The following ZNF528 variants were observed in gnomAD, a reference collection of about 807,000 sequenced individuals.
ZNF528 encodes the protein zinc finger protein 528.
A neutral mutation model predicts 13.3 loss-of-function variants in ZNF528; 9 were observed. The observed-to-expected ratio is 0.67, with a 90% CI of 0.41 to 1.18. The LOEUF is 1.18. Ranked by LOEUF, ZNF528 falls within the 50% of genes most tolerant of loss-of-function variation. The pLI, the probability that ZNF528 is intolerant of heterozygous loss-of-function variation, is 0.01. For missense variants in ZNF528, 858 were observed against 745.4 expected, an observed-to-expected ratio of 1.15 and a Z score of -1.76; for synonymous variants, 264 against 254.3, an observed-to-expected ratio of 1.04 and a Z score of -0.36.
rs2058748543 is a variant in ZNF528, at chr19:52,397,918, TGTCTATGTTAA to T, written c.-390+20_-390+30del. 1 of 152,216 alleles carries T rather than the reference TGTCTATGTTAA, an allele frequency of 6.6e-6. No homozygotes were observed. The highest frequency in any genetic ancestry group is 1.5e-5 in the Non-Finnish European group (1 of 68,046). 9.4% of individuals were successfully genotyped at this position (152,216 alleles called of 1,614,324 possible). A position where few individuals can be genotyped will look rare whatever the true frequency, so the allele number is the denominator to read the frequency against. ...TCGCAGCAGTGCGTGAGTTTCCCTT[TGTCTATGTTAA>T]GTCTAGGCTAGCCAGTTCTTCTCTG... On this transcript the variant is annotated intron_variant, in intron 1 of 6. Transcript: ENST00000360465.
intron 4 of ZNF528, among the ~76,000 whole-genome samples, chr19:52,405,612 A>G (rs1404697557): frequency 6.6e-6 from 1 of 152,232 alleles, no homozygotes; most frequent in African/African-American, 2.4e-5. Flanking sequence ...ACTGGATATC[A>G]CTTGGTGTGT....
intron 2 of ZNF528, 86 bp from the exon 3 acceptor site, chr19:52,401,599 A>G (rs2058794632): frequency 2.7e-6 from 3 of 1,130,922 alleles, no homozygotes; most frequent in Non-Finnish European, 3.4e-6. Context: ...TTGTATTTTT[A>G]AAATAAGTGC....
chr19:52,409,764 T>G (rs982712234), intron 6 of ZNF528, among the ~76,000 whole-genome samples: 2 of 152,094 alleles, frequency 1.3e-5, no homozygotes, highest in Non-Finnish European at 2.9e-5. Flanking sequence ...ACCCAGGGGC[T>G]GGAGTGCAGT....
In ZNF528 at chr19:52,416,523, A is replaced by G; in HGVS notation, c.1671A>G (p.Ala557=). 1.2e-6 allele frequency: 2 copies of G among 1,614,112 alleles called. No individual in the cohort carries two copies. The highest frequency in any genetic ancestry group is 1.6e-4 in the Middle Eastern group (1 of 6,062). The change falls in exon 7 of 7, where the codon GCA becomes GCG. Residue 557 remains alanine, a synonymous_variant. Transcript: ENST00000360465. The stretch of plus-strand genomic sequence containing the variant: ...ACAGATGTAGTAAATGTGGCAAAGC[A>G]TTTCGAGGGTGTTCAGGCCTTACTG... ...RPYRCSKCGK[A]FRGCSGLTAH...
chr19:52,401,612 G>C, intron 2 of ZNF528, 73 bp from the exon 3 acceptor site: 1 of 1,170,524 alleles, frequency 8.5e-7, no homozygotes, highest in Non-Finnish European at 1.1e-6. Context: ...ATAAGTGCTT[G>C]ATCAAAGTAT....
chr19:52,411,658 T>G (rs948212302), intron 6 of ZNF528: 3 of 152,204 alleles, frequency 2.0e-5, no homozygotes, highest in Non-Finnish European at 4.4e-5. Flanking sequence ...AGGAGAAATA[T>G]GAATGACCCC....
At chr19:52,410,042 T>C (rs944459299) in intron 6 of ZNF528, among the ~76,000 whole-genome samples, 2 of 152,034 alleles carry the variant, frequency 1.3e-5, no homozygotes, top group Non-Finnish European at 2.9e-5. Flanking sequence ...CCTCAAGTTA[T>C]CCATCCCCCC....
intron 6 of ZNF528, among the ~76,000 whole-genome samples, chr19:52,407,474 C>CT (rs1213840980): frequency 1.3e-5 from 2 of 151,874 alleles, no homozygotes; most frequent in Non-Finnish European, 2.9e-5. Context: ...ATTTGTGGAT[C>CT]TTTAAGTTTT....
At chr19:52,401,115 A>G (rs1462222997) in intron 2 of ZNF528, among the ~76,000 whole-genome samples, 1 of 151,816 alleles carries the variant, frequency 6.6e-6, no homozygotes, top group Non-Finnish European at 1.5e-5. Flanking sequence ...CACCACCAAC[A>G]TGTCTCCATT....
rs754715474 is a variant in ZNF528 at position 52,401,732 on chromosome 19, A to G, written c.-89A>G. ...AGAATAAAGTGAAAAAAATCTCAGA[A>G]GGAATCCACTCAACAGACGAGGTAC... On this transcript the variant is annotated 5_prime_UTR_variant, in exon 3 of 7. Coordinates refer to ENST00000360465, the MANE Select transcript of ZNF528 (RefSeq NM_032423.3). 4 of 1,439,180 alleles carry G rather than the reference A, an allele frequency of 2.8e-6. No homozygotes were observed. Among genetic ancestry groups the G allele is most frequent in the Admixed American group, 4.3e-5 (2 of 46,548 alleles). 89.2% of individuals were successfully genotyped at this position (1,439,180 alleles called of 1,614,324 possible). A position where few individuals can be genotyped will look rare whatever the true frequency, so the allele number is the denominator to read the frequency against.
Position 52,415,795 on chromosome 19 carries a change from CATCAAAAAA to C in ZNF528, c.944_952del (p.His315_Ile318delinsLeu), listed in dbSNP as rs2058994360. ...CAATCAAATTGCACACCTTGTACGA[CATCAAAAAA>C]TTCATACTGGAGAGAAACCTTACAG... On this transcript the variant is annotated inframe_deletion, in exon 7 of 7. Transcript: ENST00000360465. The C allele has an allele frequency of 1.2e-6, 2 of 1,613,822 alleles. No homozygotes were observed. The highest frequency in any genetic ancestry group is 1.7e-6 in the Non-Finnish European group (2 of 1,180,006).
At chr19:52,409,604 G>C (rs1200123897) in intron 6 of ZNF528, among the ~76,000 whole-genome samples, 1 of 152,112 alleles carries the variant, frequency 6.6e-6, no homozygotes, top group Non-Finnish European at 1.5e-5. Context: ...GGTTTGTGGA[G>C]ATTTGGGTTT....
intron 6 of ZNF528, among the ~76,000 whole-genome samples, chr19:52,408,685 T>C (rs1273925574): frequency 6.6e-6 from 1 of 152,124 alleles, no homozygotes; most frequent in Non-Finnish European, 1.5e-5. Flanking sequence ...GCGATTCTCC[T>C]GCCTCAGCCT....
intron 4 of ZNF528, 145 bp downstream of exon 4, chr19:52,402,173 C>G: frequency 8.4e-7 from 1 of 1,195,792 alleles, no homozygotes. Context: ...CCCTTCATTT[C>G]CGCTTGAGAT....
chr19:52,406,243 A>G (rs2058854555), intron 5 of ZNF528, among the ~76,000 whole-genome samples: 1 of 152,192 alleles, frequency 6.6e-6, no homozygotes, highest in Admixed American at 6.5e-5. Flanking sequence ...TGGTGGCACC[A>G]GGGCCGAAGT....
At chr19:52,406,962 GAGAT>G in intron 6 of ZNF528, 1 of 334,822 alleles carries the variant, frequency 3.0e-6, no homozygotes, top group African/African-American at 2.1e-5. Context: ...TTATTTTTTG[GAGAT>G]AGGATCTCTC....
intron 6 of ZNF528, among the ~76,000 whole-genome samples, chr19:52,410,488 C>T (rs902531874): frequency 2.6e-5 from 4 of 152,152 alleles, no homozygotes; most frequent in African/African-American, 7.2e-5. Context: ...AACCTTCTGG[C>T]GGTAGGCGCA....
intron 2 of ZNF528, among the ~76,000 whole-genome samples, chr19:52,399,463 G>T (rs1055473549): frequency 6.6e-6 from 1 of 152,090 alleles, no homozygotes; most frequent in African/African-American, 2.4e-5. Context: ...ACAAAAATTA[G>T]CTGGGCCTGA....
chr19:52,414,580 C>T, intron 6 of ZNF528: 2 of 469,468 alleles, frequency 4.3e-6, no homozygotes, highest in Non-Finnish European at 7.7e-6. Flanking sequence ...ATGAGCATGG[C>T]ACCAGGGAGT....
Sources: allele counts gnomAD v4.1 joint callset (sites outside exome capture counted in the v4.1 genomes callset), GRCh38; gene constraint gnomAD v4.1.1; transcripts MANE v1.5; gene names NCBI Gene and HGNC (gene_info 2026-07-23, HGNC 2026-07-21).